CD96: variants seen among roughly 807,000 people sequenced by gnomAD.
The protein encoded by CD96 is CD96 molecule.
A neutral mutation model predicts 71.3 loss-of-function variants in CD96; 70 were observed. The ratio of observed to expected loss-of-function variants is 0.98; its 90% CI spans 0.81 to 1.20. The LOEUF (loss-of-function observed/expected upper bound fraction) is 1.20. Among genes scored for constraint, CD96 ranks in the 50% most tolerant of loss-of-function variants. CD96 has a pLI of 0.00. For missense variants in CD96, 742 were observed against 677.5 expected (o/e 1.10, Z -1.06); for synonymous variants, 248 against 233.0 (o/e 1.06, Z -0.59).
chr3:111,659,479 T>A (rs568531037), intron 14 of CD96, among the ~76,000 whole-genome samples: 1 of 152,224 alleles, frequency 6.6e-6, no homozygotes, highest in African/African-American at 2.4e-5. Flanking sequence ...AACTTCTTGA[T>A]GAAAGCATTT....
intron 8 of CD96, among the ~76,000 whole-genome samples, chr3:111,622,484 C>CA (rs1184036962): frequency 2.6e-5 from 4 of 151,900 alleles, no homozygotes; most frequent in African/African-American, 4.8e-5. Context: ...GGCTGCATTG[C>CA]AAAAAAAGGT....
chr3:111,600,704 CA>C, intron 6 of CD96, 21 bp from the exon 7 acceptor site: 1 of 1,560,616 alleles, frequency 6.4e-7, no homozygotes, highest in East Asian at 2.2e-5. Context: ...AGTGTTGAAC[CA>C]TGTTCGTATC....
At chr3:111,561,189 G>C (rs568457989) in intron 2 of CD96, among the ~76,000 whole-genome samples, 1 of 138,838 alleles carries the variant, frequency 7.2e-6, no homozygotes, top group Non-Finnish European at 1.6e-5. Flanking sequence ...TTGATCGTCT[G>C]AAGCCTTCTT....
intron 2 of CD96, among the ~76,000 whole-genome samples, chr3:111,552,543 A>G (rs1934769615): frequency 6.6e-6 from 1 of 152,190 alleles, no homozygotes; most frequent in Non-Finnish European, 1.5e-5. Context: ...AATACTAAAT[A>G]TTTTAGGCTT....
At chr3:111,649,530 A>C (rs1286660526) in intron 13 of CD96, among the ~76,000 whole-genome samples, 168 bp from the exon 14 acceptor site, 1 of 152,244 alleles carries the variant, frequency 6.6e-6, no homozygotes, top group Non-Finnish European at 1.5e-5. Context: ...TTCAAATGTG[A>C]CTAACAGGCA....
intron 12 of CD96, among the ~76,000 whole-genome samples, chr3:111,643,417 G>A (rs1433172582): frequency 1.3e-5 from 2 of 151,924 alleles, no homozygotes; most frequent in East Asian, 1.9e-4. Flanking sequence ...TTAGAACTAG[G>A]GCAAAACAAG....
At chr3:111,616,006 A>G (rs1161999276) in intron 8 of CD96, among the ~76,000 whole-genome samples, 1 of 152,150 alleles carries the variant, frequency 6.6e-6, no homozygotes, top group Admixed American at 6.5e-5. Context: ...ATTTTTGTTC[A>G]AATGTCACCT....
At chr3:111,631,929 A>C (rs1482939056) in intron 10 of CD96, among the ~76,000 whole-genome samples, 2 of 152,240 alleles carry the variant, frequency 1.3e-5, no homozygotes, top group Non-Finnish European at 2.9e-5. Context: ...AGCCATATGC[A>C]GAAAACTTAA....
At chr3:111,621,871 T>C (rs1938534697) in intron 8 of CD96, among the ~76,000 whole-genome samples, 1 of 152,188 alleles carries the variant, frequency 6.6e-6, no homozygotes, top group Admixed American at 6.5e-5. Flanking sequence ...ACTAGGAATG[T>C]AGTTCCAATA....
At position 111,658,994 on chromosome 3, in the gene CD96, G is replaced by T. The variant is rs528491433; in HGVS notation, c.*53-6533G>T. Among the ~76,000 whole-genome samples, 12 of 152,204 alleles carry T rather than the reference G, an allele frequency of 7.9e-5. No homozygotes were observed. The South Asian group carries it at 1.9e-3, about 24-fold the overall frequency. On this transcript the variant is annotated intron_variant and NMD_transcript_variant, in intron 14 of 14. Coordinates refer to the CD96 transcript ENST00000494798. ...TTCTTTGTACATCTGGTAGAATTTG[G>T]CTGTGAATCCATTGGGTCCAGGGCT...
intron 2 of CD96, among the ~76,000 whole-genome samples, chr3:111,561,495 C>CG (rs1040749138): frequency 2.1e-5 from 3 of 145,434 alleles, no homozygotes; most frequent in African/African-American, 7.4e-5. Context: ...GCCCCTGCTG[C>CG]GGGGTGCCTC....
chr3:111,565,639 C>A (rs1487212295), intron 2 of CD96, among the ~76,000 whole-genome samples: 1 of 151,904 alleles, frequency 6.6e-6, no homozygotes, highest in Non-Finnish European at 1.5e-5. Flanking sequence ...GGTATAGAAA[C>A]AACTCCATTT....
intron 10 of CD96, chr3:111,634,019 C>A (rs1353625364): frequency 3.2e-4 from 49 of 152,758 alleles, no homozygotes; most frequent in Non-Finnish European, 2.9e-5. Flanking sequence ...AAGAACCCTG[C>A]AAAAATAACA....
At chr3:111,656,388 A>T (rs1048575345), downstream of CD96, among the ~76,000 whole-genome samples, 2 of 152,222 alleles carry the variant, frequency 1.3e-5, no homozygotes, top group African/African-American at 4.8e-5. Context: ...GAAAACATGC[A>T]CACTCATATA....
At position 111,624,424 on chromosome 3, in the gene CD96, C is replaced by T. The variant is rs774473991; in HGVS notation, c.1321+20C>T. ...AAAAATGTTAAGTATAATCGTGGGT[C>T]CCTTGAGTCCTCTGGACTTCAGTCA... On this transcript the variant is annotated intron_variant, in intron 10 of 13. Coordinates refer to ENST00000352690, the MANE Select transcript of CD96 (RefSeq NM_005816.5). The T allele has an allele frequency of 4.9e-6, 7 of 1,428,318 alleles. No individual in the cohort carries two copies. The South Asian group carries it at 6.9e-5, about 14-fold the overall frequency. The allele number at this position is 1,428,318 out of a possible 1,614,324, so 88.5% of individuals were successfully genotyped here.
intron 4 of CD96, among the ~76,000 whole-genome samples, chr3:111,583,488 C>A (rs1936563995): frequency 1.3e-5 from 2 of 152,230 alleles, no homozygotes; most frequent in African/African-American, 4.8e-5. Flanking sequence ...GGGCTCCAAC[C>A]CCACATTTCC....
rs747067671 is a variant in CD96, at chr3:111,649,810, C to T, written c.*4C>T. 1.3e-6 allele frequency: 2 copies of T among 1,557,440 alleles called. No homozygotes were observed. The highest frequency in any genetic ancestry group is 2.2e-5 in the South Asian group (2 of 89,954). ...TCATGAGATGGAGACCCTCTAGTCT[C>T]GTGAGACTTTGCCCCATGGCAGAAC... On this transcript the variant is annotated 3_prime_UTR_variant, in exon 14 of 14. Coordinates refer to ENST00000352690, the MANE Select transcript of CD96 (RefSeq NM_005816.5).
intron 2 of CD96, among the ~76,000 whole-genome samples, chr3:111,549,371 G>A (rs1156852016): frequency 6.6e-6 from 1 of 152,172 alleles, no homozygotes; most frequent in African/African-American, 2.4e-5. Context: ...TGACGATAAG[G>A]TTAGAAAGAT....
chr3:111,638,870 C>A (rs775077166), intron 12 of CD96, among the ~76,000 whole-genome samples: 28 of 152,026 alleles, frequency 1.8e-4, no homozygotes, highest in Middle Eastern at 3.2e-3. Flanking sequence ...TATATTGGTG[C>A]CTTAAAGAGC....
Sources: gnomAD v4.1 joint callset for allele counts (sites outside exome capture counted in the v4.1 genomes callset) on GRCh38, gnomAD v4.1.1 for gene constraint, MANE v1.5 for transcripts, NCBI Gene and HGNC (gene_info 2026-07-23, HGNC 2026-07-21) for gene names.